RGSL1: variants seen among roughly 807,000 people sequenced by gnomAD.
RGSL1 encodes the protein regulator of G protein signaling like 1.
In RGSL1, 97 loss-of-function variants were observed where a neutral mutation model predicts 124.7. That is an observed-to-expected ratio of 0.78 (90% CI 0.66 to 0.92). The LOEUF (loss-of-function observed/expected upper bound fraction) is 0.92, where lower values mean the gene tolerates loss of function less well. Ranked by LOEUF, RGSL1 falls within the 40% of genes least tolerant of loss-of-function variation. The pLI, the probability that RGSL1 is intolerant of heterozygous loss-of-function variation, is 0.00. For synonymous variants in RGSL1, 424 were observed against 438.1 expected (o/e 0.97, Z 0.40); for missense variants, 1,233 against 1,288.4 (o/e 0.96, Z 0.66).
At position 182,536,103 on chromosome 1, in the gene RGSL1, A is replaced by G. The variant is rs111390427; in HGVS notation, c.2494+3312A>G. Among the ~76,000 whole-genome samples the G allele has an allele frequency of 3.3e-3, 506 of 152,228 alleles. 4 individuals carry two copies. The highest frequency in any genetic ancestry group is 0.012 in the African/African-American group (483 of 41,530). On this transcript the variant is annotated intron_variant, in intron 14 of 21. Coordinates refer to ENST00000294854, the MANE Select transcript of RGSL1 (RefSeq NM_001137669.2). The stretch of plus-strand genomic sequence containing the variant: ...TTTTACATAGCATGATGCTTTTGAG[A>G]TTCGTCTATGCTATTGCATATATCA...
chr1:182,474,301 T>C lies in RGSL1; in HGVS notation c.1190T>C (p.Ile397Thr). The change falls in exon 6 of 22, where the codon ATC (isoleucine) becomes ACC (threonine). Residue 397 changes from isoleucine (I) to threonine (T), a missense_variant. Coordinates refer to ENST00000294854, the MANE Select transcript of RGSL1 (RefSeq NM_001137669.2). ...HLKKLNLKVE[I>T]QLLDLWQDLQ... ...AAGAAGCTGAATTTGAAAGTGGAGA[T>C]CCAACTTCTTGACCTCTGGCAGGAC... The C allele has an allele frequency of 6.4e-7, 1 of 1,551,792 alleles. No individual in the cohort carries two copies. The highest frequency in any genetic ancestry group is 8.7e-7 in the Non-Finnish European group (1 of 1,147,002).
chr1:182,467,867 A>C (rs1471649060), intron 4 of RGSL1, among the ~76,000 whole-genome samples: 2 of 152,204 alleles, frequency 1.3e-5, no homozygotes, highest in African/African-American at 4.8e-5. Flanking sequence ...CAATCTACTC[A>C]TCTGACAAAG....
rs185694788 is a variant in RGSL1 at position 182,535,569 on chromosome 1, A to C, written c.2494+2778A>C. ...CATCCATTTTTGCTTATTCTCCTGC[A>C]TCATTTTTATTTTCTCTACTGGATT... On this transcript the variant is annotated intron_variant, in intron 14 of 21. Transcript: ENST00000294854. Among the ~76,000 whole-genome samples the C allele has an allele frequency of 3.9e-5, 6 of 152,300 alleles. No homozygotes were observed. The East Asian group carries it at 9.6e-4, about 24-fold the overall frequency.
At chr1:182,494,225 A>G (rs1655744638) in intron 9 of RGSL1, among the ~76,000 whole-genome samples, 1 of 152,186 alleles carries the variant, frequency 6.6e-6, no homozygotes, top group Non-Finnish European at 1.5e-5. Context: ...ATGTAACATG[A>G]TCTTAATGAT....
At position 182,527,777 on chromosome 1, in the gene RGSL1, G is replaced by A; in HGVS notation, c.2125+5G>A. 1 of 1,545,546 alleles carries A rather than the reference G, an allele frequency of 6.5e-7. No individual in the cohort carries two copies. Among genetic ancestry groups the A allele is most frequent in the Non-Finnish European group, 8.7e-7 (1 of 1,143,106 alleles). On this transcript the variant is annotated splice_donor_5th_base_variant and intron_variant, in intron 11 of 21. Coordinates refer to ENST00000294854, the MANE Select transcript of RGSL1 (RefSeq NM_001137669.2). ...TCCAAGGCCAACTCTCTCCTGGTAT[G>A]CATCCTCTTCTGATCCTGTTTTCTC...
intron 6 of RGSL1, among the ~76,000 whole-genome samples, chr1:182,479,270 A>G (rs765925727): frequency 2.6e-5 from 4 of 152,194 alleles, no homozygotes; most frequent in Non-Finnish European, 5.9e-5. Context: ...AGTTGTAAGA[A>G]TAATTATAAC....
intron 6 of RGSL1, among the ~76,000 whole-genome samples, chr1:182,475,636 G>A (rs936563000): frequency 1.3e-5 from 2 of 152,226 alleles, no homozygotes; most frequent in Middle Eastern, 3.4e-3. Flanking sequence ...AGTTCACAGT[G>A]ATCTAGTTTG....
chr1:182,542,336 C>T (rs567107611), intron 15 of RGSL1, among the ~76,000 whole-genome samples: 4 of 152,210 alleles, frequency 2.6e-5, no homozygotes, highest in East Asian at 3.9e-4. Flanking sequence ...TCCCCCATTG[C>T]GCATTCTTGC....
rs193244995 is a variant in RGSL1, at chr1:182,467,996, A to G, written c.302-4400A>G. On this transcript the variant is annotated intron_variant, in intron 4 of 21. Transcript: ENST00000294854. ...ACTTCTCAAAAGAAGACATTTATGTAGCCAAAGACAACATGAAAAAATGCT... is the reference window on the plus strand; with the variant it reads ...ACTTCTCAAAAGAAGACATTTATGTGGCCAAAGACAACATGAAAAAATGCT... Among the ~76,000 whole-genome samples, 4 of 152,384 alleles carry G rather than the reference A, an allele frequency of 2.6e-5. No individual in the cohort carries two copies. In the East Asian group the frequency reaches 7.7e-4, roughly 29 times the overall value.
intron 9 of RGSL1, among the ~76,000 whole-genome samples, chr1:182,509,818 A>AC (rs1313716167): frequency 0.01 from 572 of 56,808 alleles, 2 homozygotes; most frequent in African/African-American, 0.034. Context: ...CGGGGGGCTG[A>AC]CCCCCCCCCA....
chr1:182,549,046 C>T (rs1182194704), intron 17 of RGSL1: 5 of 465,370 alleles, frequency 1.1e-5, no homozygotes, highest in Non-Finnish European at 1.5e-5. Flanking sequence ...GAGCCAAACG[C>T]CTGGTTTCCC....
intron 6 of RGSL1, among the ~76,000 whole-genome samples, chr1:182,479,022 T>TA (rs1295817658): frequency 1.3e-5 from 2 of 152,124 alleles, no homozygotes; most frequent in Admixed American, 6.5e-5. Context: ...AAGAAGTGTT[T>TA]AAAAAAAATC....
At chr1:182,523,735 T>G (rs1312626047) in intron 10 of RGSL1, among the ~76,000 whole-genome samples, 1 of 152,356 alleles carries the variant, frequency 6.6e-6, no homozygotes, top group East Asian at 1.9e-4. Flanking sequence ...GATTATATAC[T>G]GTATTCTAGA....
chr1:182,533,187 A>T (rs1659302811), intron 14 of RGSL1, among the ~76,000 whole-genome samples: 1 of 151,894 alleles, frequency 6.6e-6, no homozygotes, highest in South Asian at 2.1e-4. Flanking sequence ...TCAAGAGATA[A>T]CATTGTTAAT....
At chr1:182,509,500 C>T (rs1571607164) in intron 9 of RGSL1, among the ~76,000 whole-genome samples, 1 of 88,064 alleles carries the variant, frequency 1.1e-5, no homozygotes, top group South Asian at 4.0e-4. Context: ...GCTGACCCCC[C>T]CACCTCCCTC....
At chr1:182,558,910 T>C (rs956060595) in intron 21 of RGSL1, among the ~76,000 whole-genome samples, 4 of 152,178 alleles carry the variant, frequency 2.6e-5, no homozygotes, top group African/African-American at 9.7e-5. Context: ...TTCTAGAGTT[T>C]AGAGCATGGA....
At chr1:182,517,076 T>C (rs891620700) in intron 9 of RGSL1, among the ~76,000 whole-genome samples, 1 of 152,186 alleles carries the variant, frequency 6.6e-6, no homozygotes, top group African/African-American at 2.4e-5. Flanking sequence ...TCTCTCAGCT[T>C]TTGTTTCTCT....
chr1:182,499,184 T>C (rs1448898267), intron 9 of RGSL1, among the ~76,000 whole-genome samples: 1 of 152,190 alleles, frequency 6.6e-6, no homozygotes, highest in East Asian at 1.9e-4. Flanking sequence ...TAGATGCCAG[T>C]TAGGTCCATT....
chr1:182,514,604 C>T (rs185907861), intron 9 of RGSL1, among the ~76,000 whole-genome samples: 5 of 152,310 alleles, frequency 3.3e-5, no homozygotes, highest in Non-Finnish European at 1.5e-5. Flanking sequence ...TAATTTGCTT[C>T]AAGTCCTGTA....
Sources: allele counts gnomAD v4.1 joint callset (sites outside exome capture counted in the v4.1 genomes callset), GRCh38; gene constraint gnomAD v4.1.1; transcripts MANE v1.5; gene names NCBI Gene and HGNC (gene_info 2026-07-23, HGNC 2026-07-21).